CYTH3: variants seen among roughly 807,000 people sequenced by gnomAD.
CYTH3 encodes the protein cytohesin-3.
In CYTH3, 23 loss-of-function variants were observed where a neutral mutation model predicts 55.1. The observed-to-expected ratio is 0.42, with a 90% CI of 0.30 to 0.59. The LOEUF (loss-of-function observed/expected upper bound fraction) is 0.59. Ranked by LOEUF, CYTH3 falls within the 20% of genes least tolerant of loss-of-function variation. CYTH3 has a pLI of 0.20. For missense variants in CYTH3, 413 were observed against 524.8 expected (o/e 0.79, Z 2.08); for synonymous variants, 249 against 194.9 (o/e 1.28, Z -2.31).
At chr7:6,212,281 C>T (rs1004881196) in intron 1 of CYTH3, among the ~76,000 whole-genome samples, 7 of 152,208 alleles carry the variant, frequency 4.6e-5, no homozygotes, top group Admixed American at 3.3e-4. Context: ...GCATGTGCCA[C>T]CAGGCCTGGC....
chr7:6,191,313 C>A (rs1037195904), intron 1 of CYTH3, among the ~76,000 whole-genome samples: 2 of 151,908 alleles, frequency 1.3e-5, no homozygotes, highest in Non-Finnish European at 2.9e-5. Flanking sequence ...ATAAATAAAT[C>A]AACATAGACA....
At chr7:6,267,377 C>A (rs1168917879) in intron 1 of CYTH3, among the ~76,000 whole-genome samples, 1 of 152,176 alleles carries the variant, frequency 6.6e-6, no homozygotes, top group Non-Finnish European at 1.5e-5. Flanking sequence ...GAGTAAATGA[C>A]TACAAAAGAA....
At position 6,170,336 on chromosome 7, in the gene CYTH3, G is replaced by C. The variant is rs1197707933; in HGVS notation, c.823+199C>G. The C allele has an allele frequency of 3.4e-6, 2 of 587,174 alleles. No individual in the cohort carries two copies. Among genetic ancestry groups the C allele is most frequent in the Non-Finnish European group, 6.0e-6 (2 of 334,496 alleles). The allele number at this position is 587,174 out of a possible 1,614,324, so 36.4% of individuals were successfully genotyped here. On this transcript the variant is annotated intron_variant, in intron 9 of 12. Transcript: ENST00000350796. The surrounding 1 kb of genome is among the most constrained non-coding windows in gnomAD (Gnocchi z 7.8). ...GCCTGGGCGCTACTCTCTGCCGCGG[G>C]CATGGCTCTGAGGCCCCGGCTCGGA...
intron 4 of CYTH3, among the ~76,000 whole-genome samples, chr7:6,183,079 C>T (rs1783548788): frequency 1.3e-5 from 2 of 152,384 alleles, no homozygotes; most frequent in South Asian, 4.1e-4. Flanking sequence ...TGCTGCCACC[C>T]ACCGAGGACG....
At chr7:6,252,061 G>C (rs934514345) in intron 1 of CYTH3, among the ~76,000 whole-genome samples, 8 of 152,290 alleles carry the variant, frequency 5.3e-5, no homozygotes, top group South Asian at 2.1e-4. Flanking sequence ...TGTTAAGACA[G>C]AGCAGAAGAT....
At chr7:6,272,410 G>GGGGGGGGGCC in intron 1 of CYTH3, 64 bp downstream of exon 1, 3 of 1,216,618 alleles carry the variant, frequency 2.5e-6, no homozygotes, top group Non-Finnish European at 3.2e-6. Flanking sequence ...CCGCGCCCTC[G>GGGGGGGGGCC]ACCCCCAGCC....
At chr7:6,269,196 G>T (rs186181986) in intron 1 of CYTH3, among the ~76,000 whole-genome samples, 1 of 152,164 alleles carries the variant, frequency 6.6e-6, no homozygotes, top group Non-Finnish European at 1.5e-5. Flanking sequence ...GCAAGAAACG[G>T]ATCTGAGCCA....
Position 6,170,707 on chromosome 7 carries a change from G to C in CYTH3, c.712-61C>G. ...TCGGAGGAAAATGGCTGGCCGGGCA[G>C]AAAGCTCAGCGGGACCAGGGCGGCA... On this transcript the variant is annotated intron_variant, in intron 8 of 12. Coordinates refer to ENST00000350796, the MANE Select transcript of CYTH3 (RefSeq NM_004227.4). The surrounding 1 kb of genome is among the most constrained non-coding windows in gnomAD (Gnocchi z 7.8). The C allele has an allele frequency of 6.3e-7, 1 of 1,583,084 alleles. No individual in the cohort carries two copies. Among genetic ancestry groups the C allele is most frequent in the South Asian group, 1.1e-5 (1 of 87,836 alleles).
chr7:6,223,703 C>T (rs952382089), intron 1 of CYTH3, among the ~76,000 whole-genome samples: 2 of 151,862 alleles, frequency 1.3e-5, no homozygotes, highest in African/African-American at 2.4e-5. Context: ...TGCTGAAGGC[C>T]GAAGGGACCT....
intron 1 of CYTH3, among the ~76,000 whole-genome samples, chr7:6,246,870 T>C (rs1044533176): frequency 2.0e-5 from 3 of 152,238 alleles, no homozygotes; most frequent in Non-Finnish European, 4.4e-5. Flanking sequence ...TTTACATGAT[T>C]TCAATTCAAT....
intron 1 of CYTH3, among the ~76,000 whole-genome samples, chr7:6,259,799 ATAT>A (rs1159199600): frequency 2.4e-4 from 6 of 24,968 alleles, no homozygotes; most frequent in South Asian, 1.2e-3. Context: ...ATATATATAT[ATAT>A]ATATATATAT....
intron 1 of CYTH3, among the ~76,000 whole-genome samples, chr7:6,203,216 G>T (rs780740592): frequency 6.6e-6 from 1 of 151,204 alleles, no homozygotes; most frequent in Non-Finnish European, 1.5e-5. Flanking sequence ...AAATGTTGAA[G>T]ATCTTACCAA....
chr7:6,184,671 C>T (rs1783592057), intron 4 of CYTH3, among the ~76,000 whole-genome samples: 1 of 152,074 alleles, frequency 6.6e-6, no homozygotes, highest in Non-Finnish European at 1.5e-5. Context: ...ACCTGACTCC[C>T]AGGTTCAAGC....
chr7:6,238,483 T>G (rs1488155853), intron 1 of CYTH3, among the ~76,000 whole-genome samples: 2 of 152,250 alleles, frequency 1.3e-5, no homozygotes, highest in East Asian at 3.8e-4. Context: ...CTAAGCTGTA[T>G]GCTTAGTAAA....
At chr7:6,206,357 C>G (rs906824306) in intron 1 of CYTH3, among the ~76,000 whole-genome samples, 3 of 152,172 alleles carry the variant, frequency 2.0e-5, no homozygotes. Context: ...CAGAAGACCA[C>G]ATATTGTGAT....
At chr7:6,177,107 C>A (rs1371840395) in intron 5 of CYTH3, among the ~76,000 whole-genome samples, 1 of 152,182 alleles carries the variant, frequency 6.6e-6, no homozygotes. Context: ...ATATTACAGT[C>A]ATAAGGATAG....
intron 1 of CYTH3, among the ~76,000 whole-genome samples, chr7:6,221,441 A>T (rs1393070994): frequency 6.6e-6 from 1 of 152,208 alleles, no homozygotes; most frequent in Non-Finnish European, 1.5e-5. Context: ...CAACTGGGGT[A>T]GTAGGAGGGA....
intron 1 of CYTH3, among the ~76,000 whole-genome samples, chr7:6,230,268 GATT>G (rs1177522558): frequency 6.6e-6 from 1 of 152,130 alleles, no homozygotes; most frequent in African/African-American, 2.4e-5. Flanking sequence ...TTATTGTTCT[GATT>G]ATATTAACCA....
intron 1 of CYTH3, among the ~76,000 whole-genome samples, chr7:6,227,621 C>T (rs573052680): frequency 2.0e-5 from 3 of 152,310 alleles, no homozygotes; most frequent in South Asian, 4.1e-4. Context: ...AGGCTTTAGG[C>T]AGCTTTGCCA....
Sources: allele counts gnomAD v4.1 joint callset (sites outside exome capture counted in the v4.1 genomes callset), GRCh38; gene constraint gnomAD v4.1.1; non-coding constraint Gnocchi (gnomAD v3.1); transcripts MANE v1.5; gene names NCBI Gene and HGNC (gene_info 2026-07-23, HGNC 2026-07-21).